The following ADCY2 variants were observed in gnomAD, a reference collection of about 807,000 sequenced individuals.
ADCY2 encodes adenylate cyclase 2.
Under a neutral mutation model 125.2 loss-of-function variants are expected in ADCY2, and 31 were observed. The observed-to-expected ratio is 0.25, with a 90% confidence interval of 0.19 to 0.33. The LOEUF (loss-of-function observed/expected upper bound fraction) is 0.33. ADCY2 is among the 10% of genes least tolerant of loss of function. The pLI is 1.00. For synonymous variants in ADCY2, 512 were observed against 548.4 expected, an observed-to-expected ratio of 0.93 and a Z score of 0.93; for missense variants, 904 against 1,418.2, an observed-to-expected ratio of 0.64 and a Z score of 5.82.
rs773249308 is a variant in ADCY2, at chr5:7,706,816, C to G, written c.1182C>G (p.Gly394=). 22 of 1,613,992 alleles carry G rather than the reference C, an allele frequency of 1.4e-5. No homozygotes were observed. Among genetic ancestry groups the G allele is most frequent in the Non-Finnish European group, 1.6e-5 (19 of 1,180,048 alleles). ...VGVHSGNVLC[G]VIGLQKWQYD... is the part of the protein sequence containing the mutation. ...TGCATTCTGGGAATGTCCTGTGTGG[C>G]GTGATTGGTCTGCAGAAGTGGCAAT... Residue 394 remains glycine, a synonymous_variant, in exon 8 of 25, where the codon GGC becomes GGG. Coordinates refer to ENST00000338316, the MANE Select transcript of ADCY2 (RefSeq NM_020546.3).
intron 3 of ADCY2, among the ~76,000 whole-genome samples, chr5:7,573,492 A>T (rs940400166): frequency 6.6e-6 from 1 of 152,064 alleles, no homozygotes; most frequent in African/African-American, 2.4e-5. Context: ...GTATGTGACT[A>T]CATGATTATT....
At chr5:7,577,926 C>T (rs73048153) in intron 3 of ADCY2, among the ~76,000 whole-genome samples, 1,764 of 152,234 alleles carry the variant, frequency 0.012, 32 homozygotes, top group African/African-American at 0.04. Context: ...CAGAGAAGGA[C>T]AAGAGATTTT....
intron 7 of ADCY2, among the ~76,000 whole-genome samples, chr5:7,701,866 A>G (rs1349211325): frequency 6.6e-6 from 1 of 152,194 alleles, no homozygotes; most frequent in Non-Finnish European, 1.5e-5. Flanking sequence ...GTAGGTATAT[A>G]CCACATTTTA....
chr5:7,693,406 GTTTTTTGTTTTTT>G (rs1243728587), intron 5 of ADCY2, among the ~76,000 whole-genome samples: 6 of 58,658 alleles, frequency 1.0e-4, no homozygotes, highest in African/African-American at 1.7e-4. Context: ...ATTGCCTGCT[GTTTTTTGTTTTTT>G]TTTTTTTTTT....
intron 4 of ADCY2, among the ~76,000 whole-genome samples, chr5:7,648,415 C>A (rs1280555213): frequency 6.6e-6 from 1 of 152,168 alleles, no homozygotes; most frequent in Non-Finnish European, 1.5e-5. Flanking sequence ...AATACTATGA[C>A]ATGATGGGAA....
rs74958839 is a variant in ADCY2, at chr5:7,676,527, T to A, written c.721-14164T>A. 1.1e-3 allele frequency among the ~76,000 whole-genome samples: 57 copies of A among 49,908 alleles called. No individual in the cohort carries two copies. In the East Asian group the frequency reaches 0.015, roughly 13 times the overall value. The allele number at this position is 49,908 out of a possible 152,430, so 32.7% of individuals were successfully genotyped here. On this transcript the variant is annotated intron_variant, in intron 4 of 24. Coordinates refer to ENST00000338316, the MANE Select transcript of ADCY2 (RefSeq NM_020546.3). ...ACATCAACATGAATTAAAAAAAAAATACTTTCTGAGATAATTCATATGGAT... is the reference window on the plus strand; with the variant it reads ...ACATCAACATGAATTAAAAAAAAAAAACTTTCTGAGATAATTCATATGGAT...
intron 2 of ADCY2, among the ~76,000 whole-genome samples, chr5:7,518,734 G>A (rs1452416995): frequency 2.0e-5 from 3 of 152,146 alleles, no homozygotes; most frequent in African/African-American, 4.8e-5. Flanking sequence ...TCTCCTGGCT[G>A]TTGTCCCGAG....
chr5:7,671,002 C>T (rs1739914228), intron 4 of ADCY2, among the ~76,000 whole-genome samples: 1 of 152,142 alleles, frequency 6.6e-6, no homozygotes, highest in South Asian at 2.1e-4. Flanking sequence ...CTGGGTAGTG[C>T]TTTATTTCTT....
At chr5:7,499,654 T>G (rs1012324918) in intron 2 of ADCY2, among the ~76,000 whole-genome samples, 10 of 38,156 alleles carry the variant, frequency 2.6e-4, no homozygotes, top group Non-Finnish European at 5.8e-4. Flanking sequence ...GGTGGATATA[T>G]ATATATATAT....
At chr5:7,537,659 C>T (rs564127329) in intron 3 of ADCY2, among the ~76,000 whole-genome samples, 1 of 152,212 alleles carries the variant, frequency 6.6e-6, no homozygotes, top group Non-Finnish European at 1.5e-5. Flanking sequence ...CTTTGCTTTC[C>T]AGGTGCTCAT....
intron 2 of ADCY2, among the ~76,000 whole-genome samples, chr5:7,436,377 C>G (rs1238799185): frequency 1.3e-5 from 2 of 152,204 alleles, no homozygotes; most frequent in African/African-American, 4.8e-5. Context: ...CAGTTGCTGA[C>G]TTCACATTCT....
chr5:7,498,926 A>T (rs937848380), intron 2 of ADCY2, among the ~76,000 whole-genome samples: 1 of 152,198 alleles, frequency 6.6e-6, no homozygotes, highest in South Asian at 2.1e-4. Context: ...GCCAAGCATA[A>T]AAGGATATAT....
intron 3 of ADCY2, among the ~76,000 whole-genome samples, chr5:7,582,857 A>G (rs1449104219): frequency 6.6e-6 from 1 of 152,104 alleles, no homozygotes; most frequent in Non-Finnish European, 1.5e-5. Context: ...AGGGCATGCA[A>G]ATGAAGAGAG....
chr5:7,539,436 C>T (rs1000548044), intron 3 of ADCY2, among the ~76,000 whole-genome samples: 1 of 152,094 alleles, frequency 6.6e-6, no homozygotes, highest in Non-Finnish European at 1.5e-5. Context: ...TGTGGATTCA[C>T]TACAGTTTGC....
chr5:7,599,415 A>G (rs1050577765), intron 3 of ADCY2, among the ~76,000 whole-genome samples: 2 of 152,192 alleles, frequency 1.3e-5, no homozygotes, highest in African/African-American at 2.4e-5. Context: ...TCCTGTTGCT[A>G]GTTTCAGTGA....
At chr5:7,621,480 C>T (rs1431979365) in intron 3 of ADCY2, among the ~76,000 whole-genome samples, 1 of 152,186 alleles carries the variant, frequency 6.6e-6, no homozygotes, top group Non-Finnish European at 1.5e-5. Flanking sequence ...TGACTGTATG[C>T]GTATGAATAA....
intron 3 of ADCY2, among the ~76,000 whole-genome samples, chr5:7,615,463 T>C (rs1032562267): frequency 6.6e-6 from 1 of 152,332 alleles, no homozygotes; most frequent in African/African-American, 2.4e-5. Flanking sequence ...GATGGCTGCT[T>C]CTTGTCTCAG....
chr5:7,567,022 T>G (rs996063348), intron 3 of ADCY2, among the ~76,000 whole-genome samples: 1 of 152,214 alleles, frequency 6.6e-6, no homozygotes, highest in Non-Finnish European at 1.5e-5. Context: ...AATAGATACC[T>G]ACATTTGTGA....
At chr5:7,740,567 A>G (rs1178226294) in intron 14 of ADCY2, among the ~76,000 whole-genome samples, 1 of 152,096 alleles carries the variant, frequency 6.6e-6, no homozygotes, top group East Asian at 1.9e-4. Context: ...GAGCATATTT[A>G]TCACATCCCA....
Sources: allele counts gnomAD v4.1 joint callset (sites outside exome capture counted in the v4.1 genomes callset), GRCh38; gene constraint gnomAD v4.1.1; transcripts MANE v1.5; gene names NCBI Gene and HGNC (gene_info 2026-07-23, HGNC 2026-07-21).